The following SLC24A3 variants were observed in gnomAD, a reference collection of about 807,000 sequenced individuals.
SLC24A3 encodes solute carrier family 24 member 3, also known as sodium/potassium/calcium exchanger 3.
Under a neutral mutation model 75.8 loss-of-function variants are expected in SLC24A3, and 28 were observed. The observed-to-expected ratio is 0.37, with a 90% confidence interval of 0.27 to 0.51. The LOEUF (loss-of-function observed/expected upper bound fraction) is 0.51, where lower values mean the gene tolerates loss of function less well. SLC24A3 is among the 20% of genes least tolerant of loss of function. The pLI, the probability that SLC24A3 is intolerant of heterozygous loss-of-function variation, is 0.94. For synonymous variants in SLC24A3, 372 were observed against 334.1 expected (o/e 1.11, Z -1.24); for missense variants, 663 against 847.8 (o/e 0.78, Z 2.71).
chr20:19,402,616 C>A (rs1431922381), intron 2 of SLC24A3, among the ~76,000 whole-genome samples: 2 of 152,208 alleles, frequency 1.3e-5, no homozygotes, highest in East Asian at 3.8e-4. Flanking sequence ...CATTTAAAAT[C>A]TATTGGGCAG....
intron 15 of SLC24A3, among the ~76,000 whole-genome samples, chr20:19,700,294 G>A (rs373639044): frequency 4.2e-4 from 64 of 152,212 alleles, no homozygotes; most frequent in South Asian, 3.5e-3. Flanking sequence ...AGAAACTCAG[G>A]GTTTGTGGCA....
Position 19,557,678 on chromosome 20 carries a change from A to G in SLC24A3, c.349-22322A>G, listed in dbSNP as rs74944820. Among the ~76,000 whole-genome samples the G allele has an allele frequency of 7.0e-3, 1,066 of 152,336 alleles. 17 individuals are homozygous for G. The highest frequency in any genetic ancestry group is 0.024 in the African/African-American group (993 of 41,564). On this transcript the variant is annotated intron_variant, in intron 3 of 16. Coordinates refer to ENST00000328041, the MANE Select transcript of SLC24A3 (RefSeq NM_020689.4). ...CAGTTCTGTCTGTGCATTAAGACAG[A>G]AAATACCACTTAGTGGAAGAATTAC...
chr20:19,560,062 ATGAGATACAAGCCC>A (rs2030850392), intron 3 of SLC24A3, among the ~76,000 whole-genome samples: 1 of 152,180 alleles, frequency 6.6e-6, no homozygotes, highest in South Asian at 2.1e-4. Flanking sequence ...ATGACAGTTC[ATGAGATACAAGCCC>A]ACTCCAGCAC....
At chr20:19,464,025 G>A (rs190683435) in intron 2 of SLC24A3, among the ~76,000 whole-genome samples, 13 of 152,300 alleles carry the variant, frequency 8.5e-5, no homozygotes, top group Non-Finnish European at 1.6e-4. Flanking sequence ...GAATGAAATC[G>A]CAGTGCACTG....
intron 3 of SLC24A3, among the ~76,000 whole-genome samples, chr20:19,572,139 C>T (rs2031062163): frequency 6.6e-6 from 1 of 152,108 alleles, no homozygotes; most frequent in Non-Finnish European, 1.5e-5. Context: ...GAATTCAACA[C>T]CAGCCTTGGC....
chr20:19,348,094 T>C (rs1600441694), intron 2 of SLC24A3, among the ~76,000 whole-genome samples: 1 of 152,178 alleles, frequency 6.6e-6, no homozygotes, highest in South Asian at 2.1e-4. Flanking sequence ...CCCAAGCAGG[T>C]CACAACAAGG....
chr20:19,580,590 G>A lies in SLC24A3; in HGVS notation c.423+516G>A, dbSNP rs570451026. 3.6e-4 allele frequency among the ~76,000 whole-genome samples: 55 copies of A among 152,200 alleles called. 1 individual carries two copies. Among genetic ancestry groups the A allele is most frequent in the Middle Eastern group, 6.8e-3 (2 of 294 alleles). On this transcript the variant is annotated intron_variant, in intron 4 of 16. Coordinates refer to ENST00000328041, the MANE Select transcript of SLC24A3 (RefSeq NM_020689.4). ...AGAATTGGCCACGGAGATCAGGAAAGTGTCCCTGTTAGAAATCATCATAGT... is the reference window on the plus strand; with the variant it reads ...AGAATTGGCCACGGAGATCAGGAAAATGTCCCTGTTAGAAATCATCATAGT...
intron 6 of SLC24A3, among the ~76,000 whole-genome samples, chr20:19,591,387 A>G (rs891828260): frequency 2.6e-5 from 4 of 152,182 alleles, no homozygotes; most frequent in Non-Finnish European, 5.9e-5. Context: ...GATGTCTCTG[A>G]AAAATGCAAA....
chr20:19,230,626 G>A, intron 1 of SLC24A3, among the ~76,000 whole-genome samples: 1 of 146,392 alleles, frequency 6.8e-6, no homozygotes, highest in East Asian at 2.2e-4. Flanking sequence ...ACATATTGAT[G>A]GGGGGGAATG....
At position 19,318,351 on chromosome 20, in the gene SLC24A3, C is replaced by T. The variant is rs990535565; in HGVS notation, c.271+37264C>T. Among the ~76,000 whole-genome samples, 12 of 152,196 alleles carry T rather than the reference C, an allele frequency of 7.9e-5. No homozygotes were observed. The East Asian group carries it at 2.3e-3, about 29-fold the overall frequency. ...TTACTTGCATCCTTTTGTAGGTGGGCGATGGTAGACCTAGGGAAGAAGTAA... is the reference window on the plus strand; with the variant it reads ...TTACTTGCATCCTTTTGTAGGTGGGTGATGGTAGACCTAGGGAAGAAGTAA... On this transcript the variant is annotated intron_variant, in intron 2 of 16. Transcript: ENST00000328041.
At chr20:19,455,142 A>G (rs1272241022) in intron 2 of SLC24A3, among the ~76,000 whole-genome samples, 2 of 152,230 alleles carry the variant, frequency 1.3e-5, no homozygotes, top group African/African-American at 2.4e-5. Context: ...GTTGATGAGC[A>G]CCATGCTCGG....
rs141064958 is a variant in SLC24A3, at chr20:19,606,317, T to C, written c.612+20773T>C. Among the ~76,000 whole-genome samples, 165 of 152,334 alleles carry C rather than the reference T, an allele frequency of 1.1e-3. 1 individual carries two copies. The highest frequency in any genetic ancestry group is 3.6e-3 in the African/African-American group (149 of 41,580). ...GGGAAGGATGACATATCATTTAAAT[T>C]AGCTCCTTTTATGGCAGGAATGATT... is the stretch of plus-strand genomic sequence containing the variant. On this transcript the variant is annotated intron_variant, in intron 6 of 16. Transcript: ENST00000328041.
intron 6 of SLC24A3, among the ~76,000 whole-genome samples, chr20:19,647,955 C>G (rs1419896990): frequency 6.6e-6 from 1 of 152,064 alleles, no homozygotes; most frequent in Non-Finnish European, 1.5e-5. Context: ...ATTTTGTGTT[C>G]CTGGTTGGGA....
chr20:19,385,952 G>A (rs1221735213), intron 2 of SLC24A3, among the ~76,000 whole-genome samples: 1 of 152,106 alleles, frequency 6.6e-6, no homozygotes, highest in Admixed American at 6.5e-5. Flanking sequence ...CTATTTCTGT[G>A]AAAAATACCA....
intron 15 of SLC24A3, among the ~76,000 whole-genome samples, chr20:19,712,038 C>T (rs1326100999): frequency 1.3e-5 from 2 of 152,130 alleles, no homozygotes; most frequent in Non-Finnish European, 2.9e-5. Context: ...CCTCGACCTT[C>T]CCAGCTCAAG....
intron 10 of SLC24A3, among the ~76,000 whole-genome samples, chr20:19,683,846 A>AT (rs907540392): frequency 4.6e-5 from 7 of 152,282 alleles, no homozygotes; most frequent in African/African-American, 1.7e-4. Context: ...TGGAAAGGAG[A>AT]TTTTGACTCT....
intron 1 of SLC24A3, among the ~76,000 whole-genome samples, chr20:19,271,629 T>G (rs1055361180): frequency 1.3e-5 from 2 of 152,218 alleles, no homozygotes; most frequent in Admixed American, 6.5e-5. Context: ...AAATATGGTA[T>G]ATATGCACCA....
At chr20:19,374,179 A>C (rs773967333) in intron 2 of SLC24A3, among the ~76,000 whole-genome samples, 5 of 152,180 alleles carry the variant, frequency 3.3e-5, no homozygotes, top group Non-Finnish European at 7.3e-5. Context: ...TGTTTCAAAA[A>C]TGGGAAAGTT....
At chr20:19,680,635 TTC>T (rs1440607420) in intron 9 of SLC24A3, among the ~76,000 whole-genome samples, 1 of 152,222 alleles carries the variant, frequency 6.6e-6, no homozygotes, top group Admixed American at 6.5e-5. Context: ...TAGTTTTCTG[TTC>T]TCTCTCATGC....
Sources: gnomAD v4.1 joint callset for allele counts (sites outside exome capture counted in the v4.1 genomes callset) on GRCh38, gnomAD v4.1.1 for gene constraint, MANE v1.5 for transcripts, NCBI Gene and HGNC (gene_info 2026-07-23, HGNC 2026-07-21) for gene names.